The following LIMA1 variants were observed in gnomAD, a reference collection of about 807,000 sequenced individuals.
LIMA1 encodes the protein LIM domain and actin-binding protein 1.
In LIMA1, 52 loss-of-function variants were observed where a neutral mutation model predicts 62.6. The ratio of observed to expected loss-of-function variants is 0.83; its 90% CI spans 0.67 to 1.05. The LOEUF (loss-of-function observed/expected upper bound fraction) is 1.05, where lower values mean the gene tolerates loss of function less well. LIMA1 is among the 50% of genes least tolerant of loss of function. LIMA1 has a pLI of 0.00. For missense variants in LIMA1, 780 were observed against 902.2 expected (o/e 0.86, Z 1.74); for synonymous variants, 302 against 317.8 (o/e 0.95, Z 0.53).
chr12:50,262,483 A>C (rs1942083503), intron 1 of LIMA1, among the ~76,000 whole-genome samples: 1 of 152,050 alleles, frequency 6.6e-6, no homozygotes, highest in Non-Finnish European at 1.5e-5. Context: ...ACTGAATTAA[A>C]GGGTTTAAGG....
chr12:50,260,234 G>A (rs1942048930), intron 1 of LIMA1, among the ~76,000 whole-genome samples: 2 of 149,390 alleles, frequency 1.3e-5, no homozygotes, highest in African/African-American at 4.9e-5. Flanking sequence ...TGCAACTTCC[G>A]CCTCCTGGGT....
intron 2 of LIMA1, among the ~76,000 whole-genome samples, chr12:50,243,703 A>G (rs1002633029): frequency 6.6e-6 from 1 of 152,070 alleles, no homozygotes; most frequent in African/African-American, 2.4e-5. Context: ...TGTCTTCAGC[A>G]TTCTCCAAGC....
At chr12:50,244,833 G>A (rs938206826) in intron 2 of LIMA1, among the ~76,000 whole-genome samples, 1 of 152,176 alleles carries the variant, frequency 6.6e-6, no homozygotes, top group Non-Finnish European at 1.5e-5. Context: ...AGAGTGGTGA[G>A]AAAGGCACTG....
intron 1 of LIMA1, among the ~76,000 whole-genome samples, chr12:50,270,403 A>C (rs1380742502): frequency 6.6e-6 from 1 of 151,860 alleles, no homozygotes; most frequent in Non-Finnish European, 1.5e-5. Flanking sequence ...GTTCAAGACC[A>C]GCCTGGGAAA....
chr12:50,252,611 G>T (rs934659278), intron 1 of LIMA1, among the ~76,000 whole-genome samples: 1 of 148,228 alleles, frequency 6.7e-6, no homozygotes, highest in African/African-American at 2.5e-5. Context: ...AAGACATAAT[G>T]GGGCCTGACT....
At position 50,222,253 on chromosome 12, in the gene LIMA1, G is replaced by A. The variant is rs949025731; in HGVS notation, c.398C>T (p.Pro133Leu). The A allele has an allele frequency of 6.8e-6, 11 of 1,614,154 alleles. No individual in the cohort carries two copies. Among genetic ancestry groups the A allele is most frequent in the Non-Finnish European group, 7.6e-6 (9 of 1,180,024 alleles). The stretch of plus-strand genomic sequence containing the variant: ...TCGACCCTGAACGAGGGCTTCAGGA[G>A]GTGACCTGAGTCTAGATCTGGGGTG... ...QIHPRSRLRS[P>L]PEALVQGRYP... The change falls in exon 4 of 11, where the codon CCT (proline) becomes CTT (leucine). Residue 133 changes from proline to leucine, a missense_variant. By Grantham distance (98) the Pro-to-Leu change is moderately conservative (BLOSUM62 -3). Coordinates refer to ENST00000341247, the MANE Select transcript of LIMA1 (RefSeq NM_016357.5).
intron 9 of LIMA1, among the ~76,000 whole-genome samples, chr12:50,192,182 A>T (rs12385817): frequency 2.0e-5 from 3 of 151,920 alleles, no homozygotes; most frequent in Non-Finnish European, 2.9e-5. Flanking sequence ...AAACAAAAAT[A>T]AAAAAACCGA....
chr12:50,226,655 A>G (rs780133265), intron 3 of LIMA1, among the ~76,000 whole-genome samples: 5 of 152,148 alleles, frequency 3.3e-5, no homozygotes, highest in African/African-American at 4.8e-5. Flanking sequence ...CCTGGCCAAC[A>G]TGGTGAAACC....
At chr12:50,217,787 T>C in intron 4 of LIMA1, 1 of 315,982 alleles carries the variant, frequency 3.2e-6, no homozygotes. Flanking sequence ...ACTCACACAG[T>C]AATGTAGCTT....
intron 4 of LIMA1, among the ~76,000 whole-genome samples, chr12:50,211,023 T>G (rs1941246792): frequency 6.6e-6 from 1 of 151,984 alleles, no homozygotes; most frequent in Non-Finnish European, 1.5e-5. Context: ...ACTCAAACAT[T>G]AAGAATAACA....
At chr12:50,206,287 T>C (rs1353118900) in intron 4 of LIMA1, among the ~76,000 whole-genome samples, 5 of 152,202 alleles carry the variant, frequency 3.3e-5, no homozygotes, top group African/African-American at 1.2e-4. Context: ...CTGCTAAAGA[T>C]GGCTTCCTAA....
At chr12:50,281,616 A>G (rs781515427) in intron 1 of LIMA1, among the ~76,000 whole-genome samples, 28 of 152,318 alleles carry the variant, frequency 1.8e-4, no homozygotes, top group Admixed American at 8.5e-4. Context: ...TTCCCAGCCC[A>G]ATACAGAACA....
At chr12:50,230,371 A>G (rs921296909) in intron 3 of LIMA1, among the ~76,000 whole-genome samples, 1 of 151,946 alleles carries the variant, frequency 6.6e-6, no homozygotes, top group Non-Finnish European at 1.5e-5. Flanking sequence ...TGTCTTTTGC[A>G]CTAGAATGTA....
intron 3 of LIMA1, among the ~76,000 whole-genome samples, chr12:50,229,492 T>C (rs1353407339): frequency 1.3e-5 from 2 of 151,716 alleles, no homozygotes; most frequent in Admixed American, 1.3e-4. Context: ...AATTGAACAA[T>C]GAGAACACTT....
chr12:50,241,933 A>ATTTTTTTTTTTTTTTTTTTTTTTTTTTTT (rs577308413), intron 2 of LIMA1, among the ~76,000 whole-genome samples: 1 of 36,406 alleles, frequency 2.7e-5, no homozygotes, highest in African/African-American at 9.8e-5. Context: ...TCCTTCCCAG[A>ATTTTTTTTTTTTTTTTTTTTTTTTTTTTT]TTTTTTTTTT....
At chr12:50,218,525 T>C (rs1941387814) in intron 4 of LIMA1, among the ~76,000 whole-genome samples, 1 of 152,190 alleles carries the variant, frequency 6.6e-6, no homozygotes, top group Non-Finnish European at 1.5e-5. Flanking sequence ...TACCCAAATG[T>C]AAACACTTCC....
chr12:50,199,201 C>T (rs372052498), intron 7 of LIMA1, among the ~76,000 whole-genome samples: 1 of 152,240 alleles, frequency 6.6e-6, no homozygotes, highest in Admixed American at 6.5e-5. Flanking sequence ...CATGGTGGCA[C>T]GTACCCGGAA....
At chr12:50,228,974 G>A (rs1419357112) in intron 3 of LIMA1, among the ~76,000 whole-genome samples, 1 of 152,092 alleles carries the variant, frequency 6.6e-6, no homozygotes, top group Non-Finnish European at 1.5e-5. Flanking sequence ...CTTCTGCCTT[G>A]ACCTCCCAAA....
chr12:50,281,370 C>CT (rs1942337487), intron 1 of LIMA1, among the ~76,000 whole-genome samples: 1 of 152,170 alleles, frequency 6.6e-6, no homozygotes, highest in South Asian at 2.1e-4. Flanking sequence ...TTGAGGGCAT[C>CT]TTAGCAGGAA....
Sources: gnomAD v4.1 joint callset for allele counts (sites outside exome capture counted in the v4.1 genomes callset) on GRCh38, gnomAD v4.1.1 for gene constraint, MANE v1.5 for transcripts, NCBI Gene and HGNC (gene_info 2026-07-23, HGNC 2026-07-21) for gene names.